PALLD: variants seen among roughly 807,000 people sequenced by gnomAD.
The protein encoded by PALLD is palladin.
Under a neutral mutation model 123.5 loss-of-function variants are expected in PALLD, and 61 were observed. The observed-to-expected ratio is 0.49, with a 90% CI of 0.40 to 0.61. The LOEUF is 0.61. Ranked by LOEUF, PALLD falls within the 20% of genes least tolerant of loss-of-function variation. PALLD has a pLI of 0.00. For synonymous variants in PALLD, 465 were observed against 496.4 expected, an observed-to-expected ratio of 0.94 and a Z score of 0.84; for missense variants, 1,273 against 1,377.0, an observed-to-expected ratio of 0.92 and a Z score of 1.20.
intron 8 of PALLD, among the ~76,000 whole-genome samples, chr4:168,699,185 T>C (rs1458599811): frequency 2.6e-5 from 4 of 152,110 alleles, no homozygotes; most frequent in African/African-American, 9.7e-5. Flanking sequence ...TTCAAGTGAT[T>C]CTCCTGCCTT....
At chr4:168,503,858 C>G (rs996673949) in intron 1 of PALLD, among the ~76,000 whole-genome samples, 1 of 152,128 alleles carries the variant, frequency 6.6e-6, no homozygotes, top group Non-Finnish European at 1.5e-5. Context: ...GTATGTTTAA[C>G]CTGCACATCG....
chr4:168,849,255 C>T (rs982550512), intron 10 of PALLD, among the ~76,000 whole-genome samples: 2 of 152,234 alleles, frequency 1.3e-5, no homozygotes, highest in African/African-American at 2.4e-5. Flanking sequence ...GACGTCTGCA[C>T]GCCCCTGGTG....
intron 2 of PALLD, among the ~76,000 whole-genome samples, chr4:168,653,253 C>G (rs1384009722): frequency 6.6e-6 from 1 of 152,108 alleles, no homozygotes; most frequent in Admixed American, 6.5e-5. Context: ...TTTTTACGTC[C>G]AATTTCAAAC....
At chr4:168,857,850 A>G (rs766381853) in intron 10 of PALLD, among the ~76,000 whole-genome samples, 2 of 152,266 alleles carry the variant, frequency 1.3e-5, no homozygotes, top group Non-Finnish European at 2.9e-5. Flanking sequence ...TCTGTTTACC[A>G]TAACACAGGC....
intron 2 of PALLD, among the ~76,000 whole-genome samples, chr4:168,628,995 C>T (rs577556769): frequency 2.7e-5 from 4 of 149,218 alleles, no homozygotes; most frequent in African/African-American, 9.8e-5. Context: ...AGACGAAGCC[C>T]AGTTATTGTT....
chr4:168,714,535 C>T (rs954254571), intron 10 of PALLD, among the ~76,000 whole-genome samples: 5 of 152,136 alleles, frequency 3.3e-5, no homozygotes, highest in African/African-American at 1.2e-4. Flanking sequence ...AAGTGAAATT[C>T]TTACACATTC....
At chr4:168,723,642 C>T (rs1428224328) in intron 10 of PALLD, among the ~76,000 whole-genome samples, 3 of 152,196 alleles carry the variant, frequency 2.0e-5, no homozygotes, top group Non-Finnish European at 4.4e-5. Context: ...TCTGTGTCAG[C>T]ATTCCTACTG....
At chr4:168,723,891 C>CTTTTTTT (rs59055427) in intron 10 of PALLD, among the ~76,000 whole-genome samples, 3 of 111,774 alleles carry the variant, frequency 2.7e-5, no homozygotes, top group African/African-American at 7.1e-5. Context: ...TTGAGTTGGG[C>CTTTTTTT]TTTTTTTTTT....
At chr4:168,914,049 G>A (rs375842521) in intron 16 of PALLD, 28 bp downstream of exon 16, 42 of 1,306,066 alleles carry the variant, frequency 3.2e-5, no homozygotes, top group Middle Eastern at 3.7e-4. Context: ...TCCCAGAAGT[G>A]TTACATTATT....
intron 10 of PALLD, chr4:168,831,996 G>T (rs997149879): frequency 1.0e-6 from 1 of 985,280 alleles, no homozygotes; most frequent in Non-Finnish European, 1.2e-6. Flanking sequence ...CCGCCGCGCC[G>T]CCGGACTCTT....
chr4:168,498,339 C>CTG (rs34518761), intron 1 of PALLD, among the ~76,000 whole-genome samples: 14,755 of 152,218 alleles, frequency 0.097, 799 homozygotes, highest in Non-Finnish European at 0.11. Context: ...CTGGGTTTCT[C>CTG]TGTTATTGCT....
At chr4:168,735,016 A>G (rs1024007460) in intron 10 of PALLD, among the ~76,000 whole-genome samples, 2 of 152,122 alleles carry the variant, frequency 1.3e-5, no homozygotes, top group African/African-American at 2.4e-5. Context: ...TGAAATGTCT[A>G]CTTTTCTATG....
intron 10 of PALLD, among the ~76,000 whole-genome samples, chr4:168,861,037 A>G (rs554071023): frequency 2.1e-4 from 32 of 152,376 alleles, no homozygotes; most frequent in Non-Finnish European, 4.3e-4. Context: ...TGACATAGCT[A>G]AAATATGAAG....
At chr4:168,740,729 A>T (rs1048334753) in intron 10 of PALLD, among the ~76,000 whole-genome samples, 13 of 152,118 alleles carry the variant, frequency 8.5e-5, no homozygotes, top group African/African-American at 3.1e-4. Flanking sequence ...GAGCAAAAAA[A>T]CTCTGCAAGA....
chr4:168,628,548 T>G (rs1287983420), intron 2 of PALLD, among the ~76,000 whole-genome samples: 1 of 152,198 alleles, frequency 6.6e-6, no homozygotes, highest in African/African-American at 2.4e-5. Context: ...CACTAGCTTC[T>G]TCTGCCTGGA....
chr4:168,862,949 T>C (rs1749710901), intron 10 of PALLD, among the ~76,000 whole-genome samples: 1 of 152,170 alleles, frequency 6.6e-6, no homozygotes, highest in African/African-American at 2.4e-5. Context: ...GTGGGTCTGT[T>C]TAATGCTATC....
intron 2 of PALLD, among the ~76,000 whole-genome samples, chr4:168,546,468 A>G (rs146172699): frequency 1.0e-3 from 157 of 152,248 alleles, no homozygotes; most frequent in African/African-American, 3.6e-3. Context: ...AAATCAGAAC[A>G]AGAAGCTGAG....
intron 2 of PALLD, among the ~76,000 whole-genome samples, chr4:168,553,745 T>G (rs925409517): frequency 2.6e-5 from 4 of 152,174 alleles, no homozygotes; most frequent in Non-Finnish European, 5.9e-5. Flanking sequence ...TTTTTCCTTA[T>G]GTCTAACTTA....
intron 10 of PALLD, among the ~76,000 whole-genome samples, chr4:168,890,081 C>T (rs1291287864): frequency 6.6e-6 from 1 of 152,112 alleles, no homozygotes; most frequent in African/African-American, 2.4e-5. Context: ...TGTCCACTGC[C>T]CTATGAGGGA....
Sources: allele counts gnomAD v4.1 joint callset (sites outside exome capture counted in the v4.1 genomes callset), GRCh38; gene constraint gnomAD v4.1.1; transcripts MANE v1.5; gene names NCBI Gene and HGNC (gene_info 2026-07-23, HGNC 2026-07-21).